The following OLA1 variants were observed in gnomAD, a reference collection of about 807,000 sequenced individuals.
OLA1 encodes obg-like ATPase 1.
In OLA1, 14 loss-of-function variants were observed where a neutral mutation model predicts 48.4. The observed-to-expected ratio is 0.29, with a 90% CI of 0.19 to 0.45. OLA1 has a LOEUF of 0.45. OLA1 is among the 20% of genes least tolerant of loss of function. The probability of loss-of-function intolerance (pLI) is 1.00; values close to 1 mark genes in which losing one functional copy is unlikely to be tolerated. For missense variants in OLA1, 325 were observed against 467.1 expected (o/e 0.70, Z 2.80); for synonymous variants, 127 against 150.4 (o/e 0.84, Z 1.14).
chr2:174,189,348 AAGTT>A (rs1687726346), intron 4 of OLA1, among the ~76,000 whole-genome samples: 1 of 152,198 alleles, frequency 6.6e-6, no homozygotes, highest in Non-Finnish European at 1.5e-5. Context: ...ATCACAAAGA[AAGTT>A]AAAGCACAAA....
intron 7 of OLA1, among the ~76,000 whole-genome samples, chr2:174,120,124 G>A (rs888406251): frequency 1.3e-5 from 2 of 152,064 alleles, no homozygotes; most frequent in African/African-American, 2.4e-5. Flanking sequence ...GCTGGTAGGT[G>A]TAAAAAATAT....
intron 4 of OLA1, among the ~76,000 whole-genome samples, chr2:174,164,902 C>A (rs1325830069): frequency 2.0e-5 from 3 of 152,170 alleles, no homozygotes; most frequent in Non-Finnish European, 2.9e-5. Context: ...CAAAGTCAGT[C>A]TTTTTCCTCT....
chr2:174,104,386 T>C (rs1051769037), intron 7 of OLA1, among the ~76,000 whole-genome samples: 1 of 152,094 alleles, frequency 6.6e-6, no homozygotes, highest in Non-Finnish European at 1.5e-5. Flanking sequence ...TCCTACTTTT[T>C]AATTCTAAGA....
intron 5 of OLA1, among the ~76,000 whole-genome samples, chr2:174,141,226 C>G (rs1686439834): frequency 6.6e-6 from 1 of 152,266 alleles, no homozygotes; most frequent in South Asian, 2.1e-4. Context: ...GCCACCACGC[C>G]TGGCCAGGGC....
At chr2:174,216,495 A>C (rs1688363729) in intron 4 of OLA1, among the ~76,000 whole-genome samples, 1 of 152,180 alleles carries the variant, frequency 6.6e-6, no homozygotes, top group African/African-American at 2.4e-5. Flanking sequence ...CAAACAATTA[A>C]TCTTGTGAAT....
intron 2 of OLA1, among the ~76,000 whole-genome samples, chr2:174,232,421 C>T (rs990411901): frequency 6.6e-6 from 1 of 151,966 alleles, no homozygotes; most frequent in African/African-American, 2.4e-5. Flanking sequence ...TACACAAATA[C>T]GTAAGATGAC....
intron 4 of OLA1, among the ~76,000 whole-genome samples, chr2:174,187,923 G>C (rs1467755550): frequency 3.3e-5 from 5 of 152,154 alleles, no homozygotes; most frequent in Admixed American, 2.0e-4. Context: ...GACTGTGAAG[G>C]ATTCTGTATG....
At chr2:174,163,707 AATAAATATATATATATATATATATAT>A (rs1191953625) in intron 4 of OLA1, among the ~76,000 whole-genome samples, 6 of 39,966 alleles carry the variant, frequency 1.5e-4, no homozygotes, top group African/African-American at 2.2e-4. Flanking sequence ...AAAATAAATA[AATAAATATATATATATATATATATAT>A]ATATATATAT....
At chr2:174,166,635 T>A (rs1687172286) in intron 4 of OLA1, among the ~76,000 whole-genome samples, 1 of 152,240 alleles carries the variant, frequency 6.6e-6, no homozygotes, top group South Asian at 2.1e-4. Context: ...GTGCTTTTTG[T>A]CATTTTGCTA....
rs533048840 is a variant in OLA1, at chr2:174,143,726, C to A, written c.374-1726G>T. On this transcript the variant is annotated intron_variant, in intron 4 of 10. Transcript: ENST00000284719. ...TTCTGAAAGCAAAGAAAACAAAGCCCTCTGATGATCTAAAAGAATCCAAAG... is the reference window on the plus strand; with the variant it reads ...TTCTGAAAGCAAAGAAAACAAAGCCATCTGATGATCTAAAAGAATCCAAAG... 2.0e-5 allele frequency among the ~76,000 whole-genome samples: 3 copies of A among 152,202 alleles called. No homozygotes were observed. In the East Asian group the frequency reaches 5.8e-4, roughly 29 times the overall value.
chr2:174,188,093 G>A (rs1687693926), intron 4 of OLA1, among the ~76,000 whole-genome samples: 1 of 152,156 alleles, frequency 6.6e-6, no homozygotes, highest in Admixed American at 6.6e-5. Flanking sequence ...TAAAACCAAT[G>A]ATGGAGAGGA....
At chr2:174,149,081 T>C (rs888744852) in intron 4 of OLA1, among the ~76,000 whole-genome samples, 3 of 151,844 alleles carry the variant, frequency 2.0e-5, no homozygotes, top group Non-Finnish European at 2.9e-5. Flanking sequence ...GCTGTCTACA[T>C]GTGCTCTCTC....
At chr2:174,179,714 A>T (rs571674574) in intron 4 of OLA1, among the ~76,000 whole-genome samples, 1 of 152,178 alleles carries the variant, frequency 6.6e-6, no homozygotes, top group East Asian at 1.9e-4. Flanking sequence ...TTAAGGACAG[A>T]TATATTATGA....
intron 4 of OLA1, among the ~76,000 whole-genome samples, chr2:174,193,079 ATTTC>A (rs1217096986): frequency 2.1e-4 from 30 of 141,014 alleles, no homozygotes; most frequent in Admixed American, 5.2e-4. Flanking sequence ...TTCTTAAAAT[ATTTC>A]TTTCTTTCTT....
intron 4 of OLA1, among the ~76,000 whole-genome samples, chr2:174,169,100 C>T (rs1173306833): frequency 6.6e-6 from 1 of 151,990 alleles, no homozygotes; most frequent in Non-Finnish European, 1.5e-5. Flanking sequence ...CACACACCAC[C>T]ACGCCCAGCT....
intron 4 of OLA1, among the ~76,000 whole-genome samples, chr2:174,157,097 GAGA>G (rs998737964): frequency 6.6e-6 from 1 of 151,922 alleles, no homozygotes; most frequent in Non-Finnish European, 1.5e-5. Context: ...ATAACAAACT[GAGA>G]AGAAATAAAA....
chr2:174,219,006 T>TTTTTTTTTTTTG (rs57416373), intron 4 of OLA1, among the ~76,000 whole-genome samples: 3 of 135,796 alleles, frequency 2.2e-5, no homozygotes, highest in African/African-American at 8.8e-5. Flanking sequence ...TTTTTTTTTT[T>TTTTTTTTTTTTG]GTAGCAATGT....
At chr2:174,160,665 C>T (rs766437931) in intron 4 of OLA1, among the ~76,000 whole-genome samples, 9 of 152,092 alleles carry the variant, frequency 5.9e-5, no homozygotes, top group Non-Finnish European at 1.2e-4. Context: ...ATTTTCAAGC[C>T]GTCTTTGTGG....
intron 7 of OLA1, among the ~76,000 whole-genome samples, chr2:174,118,831 T>C (rs927701539): frequency 1.9e-4 from 29 of 152,248 alleles, no homozygotes; most frequent in African/African-American, 6.7e-4. Context: ...ATAAATAGTA[T>C]TGCAAAAAAT....
Sources: gnomAD v4.1 joint callset for allele counts (sites outside exome capture counted in the v4.1 genomes callset) on GRCh38, gnomAD v4.1.1 for gene constraint, MANE v1.5 for transcripts, NCBI Gene and HGNC (gene_info 2026-07-23, HGNC 2026-07-21) for gene names.